Variants in PCBP2 observed in about 807,000 individuals in gnomAD.
PCBP2 encodes poly(rC)-binding protein 2.
Under a neutral mutation model 50.1 loss-of-function variants are expected in PCBP2, and 4 were observed. The observed-to-expected ratio is 0.08, with a 90% CI of 0.04 to 0.18. PCBP2 has a LOEUF of 0.18. Among genes scored for constraint, PCBP2 ranks in the 10% least tolerant of loss-of-function variants. PCBP2 has a pLI of 1.00. For missense variants in PCBP2, 161 were observed against 474.3 expected (o/e 0.34, Z 6.14); for synonymous variants, 179 against 168.0 (o/e 1.07, Z -0.51).
At chr12:53,477,541 C>A (rs1351202284) in intron 14 of PCBP2, among the ~76,000 whole-genome samples, 2 of 151,748 alleles carry the variant, frequency 1.3e-5, no homozygotes, top group Admixed American at 6.6e-5. Flanking sequence ...TGGTGGGCGC[C>A]TGTAGTCCCA....
intron 8 of PCBP2, among the ~76,000 whole-genome samples, chr12:53,464,157 G>T (rs1308051499): frequency 6.6e-6 from 1 of 152,142 alleles, no homozygotes; most frequent in Non-Finnish European, 1.5e-5. Flanking sequence ...AGGAACTCCA[G>T]GTTCCTGCTC....
chr12:53,453,775 AAAAC>A (rs1940763891), intron 1 of PCBP2, among the ~76,000 whole-genome samples: 3 of 152,234 alleles, frequency 2.0e-5, no homozygotes, highest in South Asian at 2.1e-4. Context: ...CATATCCAAA[AAAAC>A]AAATTTTCTT....
At position 53,479,568 on chromosome 12, in the gene PCBP2, C is replaced by T. The variant is rs1942912378; in HGVS notation, c.*126C>T. On this transcript the variant is annotated 3_prime_UTR_variant, in exon 15 of 15. Transcript: ENST00000546463. ...TTTGTAAATTTTCAGTTTCTACACA[C>T]TTTATCATCCACTCGTGATTTTTTA... The T allele has an allele frequency of 2.9e-6, 2 of 694,040 alleles. No homozygotes were observed. Among genetic ancestry groups the T allele is most frequent in the South Asian group, 1.9e-5 (1 of 52,622 alleles). The allele number at this position is 694,040 out of a possible 1,614,324, so 43.0% of individuals were successfully genotyped here.
chr12:53,459,195 A>G (rs1941266086), intron 5 of PCBP2, 77 bp from the exon 6 acceptor site: 8 of 1,334,438 alleles, frequency 6.0e-6, no homozygotes, highest in Non-Finnish European at 8.1e-6. Context: ...ACTTACCCTA[A>G]TAAGGGTAAG....
In PCBP2 at chr12:53,481,125, GTA is replaced by G. The variant is rs1171499281; in HGVS notation, c.*1694_*1695del. On this transcript the variant is annotated 3_prime_UTR_variant, in exon 15 of 15. Coordinates refer to ENST00000546463, the MANE Select transcript of PCBP2 (RefSeq NM_031989.5). ...ATGTGGCGCATATATATATATATAT[GTA>G]TATATATATAATTTATATAAATATT... 1.5e-4 allele frequency: 80 copies of G among 529,144 alleles called. No individual in the cohort carries two copies. The highest frequency in any genetic ancestry group is 6.9e-4 in the Middle Eastern group (1 of 1,446). The allele number at this position is 529,144 out of a possible 1,614,324, so 32.8% of individuals were successfully genotyped here.
chr12:53,460,032 C>T, intron 6 of PCBP2: 1 of 277,372 alleles, frequency 3.6e-6, no homozygotes, highest in East Asian at 9.9e-5. Flanking sequence ...GTTATTACTA[C>T]AGGCTTGAGC....
In PCBP2 at chr12:53,477,302, G is replaced by A. The variant is rs532905346; in HGVS notation, c.1053-2104G>A. ...AGTTCTTACTGAACCCTTTAATCCAGGGCTATTGTTTACCTTTCCTTAGAT... is the reference window on the plus strand; with the variant it reads ...AGTTCTTACTGAACCCTTTAATCCAAGGCTATTGTTTACCTTTCCTTAGAT... On this transcript the variant is annotated intron_variant, in intron 14 of 14. Coordinates refer to ENST00000546463, the MANE Select transcript of PCBP2 (RefSeq NM_031989.5). Among the ~76,000 whole-genome samples the A allele has an allele frequency of 8.5e-5, 13 of 152,104 alleles. No homozygotes were observed. In the South Asian group the frequency reaches 2.5e-3, roughly 29 times the overall value.
intron 1 of PCBP2, chr12:53,452,848 T>C (rs1940668103): frequency 6.6e-6 from 1 of 151,454 alleles, no homozygotes. Flanking sequence ...CTCTTTCTAG[T>C]CGAGGGAAGG....
intron 1 of PCBP2, 72 bp from the exon 2 acceptor site, chr12:53,454,654 A>G (rs1357305549): frequency 3.1e-6 from 2 of 651,168 alleles, no homozygotes; most frequent in African/African-American, 1.8e-5. Flanking sequence ...AATATTGATA[A>G]GGTGAAAATA....
chr12:53,462,107 G>GTAC (rs752899292), intron 7 of PCBP2, among the ~76,000 whole-genome samples: 8 of 152,136 alleles, frequency 5.3e-5, no homozygotes, highest in Non-Finnish European at 7.3e-5. Context: ...TAACACTTGA[G>GTAC]TACTTTATTT....
At chr12:53,472,743 C>G (rs973844809) in intron 14 of PCBP2, among the ~76,000 whole-genome samples, 1 of 152,106 alleles carries the variant, frequency 6.6e-6, no homozygotes, top group Non-Finnish European at 1.5e-5. Flanking sequence ...CTTGTACTGA[C>G]CATGTATATA....
At chr12:53,472,006 G>C (rs947183346) in intron 14 of PCBP2, among the ~76,000 whole-genome samples, 199 bp downstream of exon 14, 12 of 148,906 alleles carry the variant, frequency 8.1e-5, no homozygotes, top group Admixed American at 2.0e-4. Context: ...GGGGTTGGTG[G>C]GGGGGGGAGC....
intron 14 of PCBP2, among the ~76,000 whole-genome samples, chr12:53,472,654 CTT>C (rs780587477): frequency 2.6e-5 from 4 of 152,184 alleles, no homozygotes; most frequent in Non-Finnish European, 5.9e-5. Context: ...TGTTTAATCT[CTT>C]TGTCATAAAA....
In PCBP2 at chr12:53,459,409, T is replaced by C. The variant is rs1262874062; in HGVS notation, c.375+6T>C. 1.2e-6 allele frequency: 2 copies of C among 1,608,784 alleles called. No individual in the cohort carries two copies. The highest frequency in any genetic ancestry group is 1.7e-6 in the Non-Finnish European group (2 of 1,176,928). On this transcript the variant is annotated splice_donor_region_variant and intron_variant, in intron 6 of 14. Transcript: ENST00000546463. ...AGATCAAGGAAATACGAGAGGTTAG[T>C]GACTTTTGTCGTCCTTTTAGAAATG...
intron 6 of PCBP2, 121 bp downstream of exon 6, chr12:53,459,524 A>C (rs922640948): frequency 8.3e-6 from 6 of 727,070 alleles, no homozygotes; most frequent in Non-Finnish European, 1.3e-5. Context: ...GTTCTAGAGG[A>C]TTACAATGTG....
Position 53,479,672 on chromosome 12 carries a change from T to TTTTTTTTTTTGG in PCBP2, c.*240_*241insGGTTTTTTTTTT. The TTTTTTTTTTTGG allele has an allele frequency of 7.0e-6, 2 of 286,814 alleles. No homozygotes were observed. Among genetic ancestry groups the TTTTTTTTTTTGG allele is most frequent in the East Asian group, 5.6e-5 (1 of 17,902 alleles). The allele number at this position is 286,814 out of a possible 1,614,324, so 17.8% of individuals were successfully genotyped here. On this transcript the variant is annotated 3_prime_UTR_variant, in exon 15 of 15. Transcript: ENST00000546463. ...TTTAGTTTTATAAGCTTCTCCCTGG[T>TTTTTTTTTTTGG]TTTTTTTTTTTGGCTCATGAATTTT... is the stretch of plus-strand genomic sequence containing the variant.
intron 5 of PCBP2, among the ~76,000 whole-genome samples, chr12:53,456,566 G>T (rs550670945): frequency 1.3e-5 from 2 of 152,224 alleles, no homozygotes; most frequent in African/African-American, 4.8e-5. Context: ...CCATTGCTTT[G>T]GTAAAAGGCT....
intron 3 of PCBP2, 23 bp downstream of exon 3, chr12:53,455,393 T>C: frequency 6.2e-7 from 1 of 1,613,518 alleles, no homozygotes; most frequent in Non-Finnish European, 8.5e-7. Flanking sequence ...CACTTCAACT[T>C]CAATTACCAT....
intron 6 of PCBP2, 114 bp downstream of exon 6, chr12:53,459,517 C>G (rs943975120): frequency 2.6e-5 from 21 of 810,922 alleles, no homozygotes; most frequent in Middle Eastern, 5.0e-4. Context: ...AGTAACAGTT[C>G]TAGAGGATTA....
Sources: allele counts gnomAD v4.1 joint callset (sites outside exome capture counted in the v4.1 genomes callset), GRCh38; gene constraint gnomAD v4.1.1; transcripts MANE v1.5; gene names NCBI Gene and HGNC (gene_info 2026-07-23, HGNC 2026-07-21).